The following ZNF556 variants were observed in gnomAD, a reference collection of about 807,000 sequenced individuals.
ZNF556 encodes the protein zinc finger protein 556.
ZNF556 carries 11 observed loss-of-function variants against 13.6 expected under a neutral mutation model. The observed-to-expected ratio is 0.81, with a 90% CI of 0.51 to 1.33. The LOEUF (loss-of-function observed/expected upper bound fraction) is 1.33. Ranked by LOEUF, ZNF556 falls within the 40% of genes most tolerant of loss-of-function variation. The probability of loss-of-function intolerance (pLI) is 0.00; values close to 1 mark genes in which losing one functional copy is unlikely to be tolerated. For synonymous variants in ZNF556, 229 were observed against 207.8 expected (o/e 1.10, Z -0.88); for missense variants, 633 against 566.2 (o/e 1.12, Z -1.20).
intron 1 of ZNF556, among the ~76,000 whole-genome samples, chr19:2,871,812 G>T (rs565800465): frequency 5.3e-5 from 8 of 152,172 alleles, no homozygotes; most frequent in Non-Finnish European, 8.8e-5. Flanking sequence ...CGCAGAGACC[G>T]GTAGTGGCCC....
rs370675336 is a variant in ZNF556, at chr19:2,877,720, C to T, written c.762C>T (p.Ala254=). ...TTCGCGCACATGTGATGATGCACGC[C>T]GGAGGGAGACCGTATGAGTGCAAGC... ...KSFRAHVMMH[A]GGRPYECKHC... The change falls in exon 4 of 4, where the codon GCC becomes GCT. Residue 254 remains alanine, a synonymous_variant. Coordinates refer to ENST00000307635, the MANE Select transcript of ZNF556 (RefSeq NM_024967.3). 4.5e-5 allele frequency: 72 copies of T among 1,613,268 alleles called. No homozygotes were observed. The highest frequency in any genetic ancestry group is 3.3e-4 in the African/African-American group (25 of 74,786).
In ZNF556 at chr19:2,881,536, C is replaced by G. The variant is rs2087904586; in HGVS notation, c.*3207C>G. The G allele has an allele frequency of 6.6e-6, 1 of 151,382 alleles. No individual in the cohort carries two copies. Among genetic ancestry groups the G allele is most frequent in the Non-Finnish European group, 1.5e-5 (1 of 67,922 alleles). 9.4% of individuals were successfully genotyped at this position (151,382 alleles called of 1,614,324 possible). The stretch of plus-strand genomic sequence containing the variant: ...AGGTTGCAGTGAGCCAAGATTGCGC[C>G]ACTGCACTCCAGCCTGGGCGACAAG... On this transcript the variant is annotated 3_prime_UTR_variant, in exon 4 of 4. Transcript: ENST00000307635.
chr19:2,878,748 C>G lies in ZNF556; in HGVS notation c.*419C>G, dbSNP rs1266428608. On this transcript the variant is annotated 3_prime_UTR_variant, in exon 4 of 4. Transcript: ENST00000307635. ...AATATGGTATTGCCTTTATCAGGAC[C>G]ACATCCTAAAAGTGGGCCTCTAGCA... 1.9e-5 allele frequency: 3 copies of G among 157,814 alleles called. No individual in the cohort carries two copies. Among genetic ancestry groups the G allele is most frequent in the Non-Finnish European group, 4.2e-5 (3 of 71,386 alleles). 9.8% of individuals were successfully genotyped at this position (157,814 alleles called of 1,614,324 possible). A position where few individuals can be genotyped will look rare whatever the true frequency, so the allele number is the denominator to read the frequency against.
chr19:2,872,032 G>C (rs1416656253), intron 1 of ZNF556, among the ~76,000 whole-genome samples: 2 of 152,116 alleles, frequency 1.3e-5, no homozygotes, highest in African/African-American at 4.8e-5. Flanking sequence ...GAGACTTTTA[G>C]TACTTTCACT....
intron 1 of ZNF556, among the ~76,000 whole-genome samples, chr19:2,872,405 C>G (rs552387238): frequency 8.0e-4 from 121 of 151,882 alleles, no homozygotes; most frequent in Non-Finnish European, 1.3e-3. Context: ...ACAGAAGGCT[C>G]GCACTCTTGT....
rs182825063 is a variant in ZNF556, at chr19:2,868,908, G to A, written c.3+1484G>A. Among the ~76,000 whole-genome samples, 606 of 149,016 alleles carry A rather than the reference G, an allele frequency of 4.1e-3. 1 individual carries two copies. The highest frequency in any genetic ancestry group is 0.014 in the Middle Eastern group (4 of 280). On this transcript the variant is annotated intron_variant, in intron 1 of 3. Transcript: ENST00000307635. ...TAATTTTTGTATTTTTAGTAGAGAC[G>A]GGGTTCCACCATGTTGGCCAGGCTG...
In ZNF556 at chr19:2,873,593, T is replaced by C; in HGVS notation, c.101T>C (p.Leu34Pro). Residue 34 changes from leucine to proline, a missense_variant, in exon 2 of 4, where the codon CTG (leucine) becomes CCG (proline). Coordinates refer to ENST00000307635, the MANE Select transcript of ZNF556 (RefSeq NM_024967.3). ...AQRKLYRDVMLETFKHLASVD... is the reference protein window; with the variant it reads ...AQRKLYRDVMPETFKHLASVD... ...AGAAAACTCTACAGAGATGTCATGCTGGAGACCTTCAAGCACCTGGCCTCA... is the reference window on the plus strand; with the variant it reads ...AGAAAACTCTACAGAGATGTCATGCCGGAGACCTTCAAGCACCTGGCCTCA... 2 of 1,614,110 alleles carry C rather than the reference T, an allele frequency of 1.2e-6. No homozygotes were observed. Among genetic ancestry groups the C allele is most frequent in the African/African-American group, 2.7e-5 (2 of 75,050 alleles).
intron 1 of ZNF556, 133 bp downstream of exon 1, chr19:2,867,557 G>A (rs45501992): frequency 0.048 from 61,508 of 1,291,562 alleles, 1,608 homozygotes; most frequent in Middle Eastern, 0.081. Context: ...TGTCACCCCC[G>A]GGTCCTGCGG....
rs565800465 is a variant in ZNF556 at position 2,871,812 on chromosome 19, G to A, written c.4-1684G>A. On this transcript the variant is annotated intron_variant, in intron 1 of 3. Coordinates refer to ENST00000307635, the MANE Select transcript of ZNF556 (RefSeq NM_024967.3). ...CCACAACCACCAAGTCGCAGAGACCGGTAGTGGCCCCGAATGCCAGGCTGC... is the reference window on the plus strand; with the variant it reads ...CCACAACCACCAAGTCGCAGAGACCAGTAGTGGCCCCGAATGCCAGGCTGC... Among the ~76,000 whole-genome samples the A allele has an allele frequency of 8.5e-5, 13 of 152,290 alleles. No individual in the cohort carries two copies. In the East Asian group the frequency reaches 1.3e-3, roughly 16 times the overall value.
intron 1 of ZNF556, among the ~76,000 whole-genome samples, 170 bp downstream of exon 1, chr19:2,867,594 C>G (rs2087766736): frequency 6.6e-6 from 1 of 151,740 alleles, no homozygotes; most frequent in African/African-American, 2.4e-5. Flanking sequence ...CCCCAGTCTT[C>G]ATTCCCTGGA....
At position 2,867,375 on chromosome 19, in the gene ZNF556, C is replaced by T. The variant is rs1490176589; in HGVS notation, c.-47C>T. On this transcript the variant is annotated 5_prime_UTR_variant, in exon 1 of 4. Transcript: ENST00000307635. ...TCCCCGTCGTGCTCACCTGCACCGG[C>T]TGCGAGGAGCAGGGAGCTCCTCAAA... The T allele has an allele frequency of 6.4e-7, 1 of 1,569,278 alleles. No individual in the cohort carries two copies. Among genetic ancestry groups the T allele is most frequent in the Non-Finnish European group, 8.6e-7 (1 of 1,157,518 alleles).
chr19:2,877,674 G>A lies in ZNF556; in HGVS notation c.716G>A (p.Gly239Asp), dbSNP rs143550852. 3.7e-6 allele frequency: 6 copies of A among 1,613,632 alleles called. No homozygotes were observed. The highest frequency in any genetic ancestry group is 2.2e-5 in the South Asian group (2 of 91,076). Residue 239 changes from glycine (G) to aspartate (D), a missense_variant, in exon 4 of 4, where the codon GGC (glycine) becomes GAC (aspartate). Transcript: ENST00000307635. ...KPYECGQCGKGFSCPKSFRAH... is the reference protein window; with the variant it reads ...KPYECGQCGKDFSCPKSFRAH... ...TACGAATGTGGGCAGTGTGGGAAAG[G>A]CTTCAGTTGTCCCAAATCCTTTCGC...
Position 2,877,891 on chromosome 19 carries a change from G to T in ZNF556, c.933G>T (p.Gly311=). The T allele has an allele frequency of 6.2e-7, 1 of 1,614,164 alleles. No homozygotes were observed. Among genetic ancestry groups the T allele is most frequent in the South Asian group, 1.1e-5 (1 of 91,088 alleles). ...SFQRHVRIHN[G]EKPYKCGKCG... ...AACGACACGTGAGAATTCACAACGG[G>T]GAGAAACCCTATAAGTGTGGAAAAT... The change falls in exon 4 of 4, where the codon GGG becomes GGT. Residue 311 remains glycine, a synonymous_variant. Coordinates refer to ENST00000307635, the MANE Select transcript of ZNF556 (RefSeq NM_024967.3).
chr19:2,868,029 C>T (rs1420236909), intron 1 of ZNF556, among the ~76,000 whole-genome samples: 1 of 152,038 alleles, frequency 6.6e-6, no homozygotes, highest in Non-Finnish European at 1.5e-5. Flanking sequence ...TAAAATATTT[C>T]CAAGGAGGTG....
In ZNF556 at chr19:2,871,866, G is replaced by A. The variant is rs557778395; in HGVS notation, c.4-1630G>A. On this transcript the variant is annotated intron_variant, in intron 1 of 3. Coordinates refer to ENST00000307635, the MANE Select transcript of ZNF556 (RefSeq NM_024967.3). ...GATATTTATTGGATACAAGACAAAC[G>A]GGCAGGATAAGGAGTGTGAGCCATC... Among the ~76,000 whole-genome samples the A allele has an allele frequency of 5.9e-5, 9 of 152,218 alleles. No homozygotes were observed. In the East Asian group the frequency reaches 1.4e-3, roughly 23 times the overall value.
At chr19:2,872,898 C>T (rs1442046065) in intron 1 of ZNF556, among the ~76,000 whole-genome samples, 3 of 151,622 alleles carry the variant, frequency 2.0e-5, no homozygotes, top group Non-Finnish European at 4.4e-5. Flanking sequence ...TTTGGGAGGC[C>T]AAGACAGCTG....
At chr19:2,875,822 G>A (rs2087846527) in intron 2 of ZNF556, among the ~76,000 whole-genome samples, 1 of 151,936 alleles carries the variant, frequency 6.6e-6, no homozygotes, top group Non-Finnish European at 1.5e-5. Context: ...AAATTAGCTG[G>A]GCATGGTGGC....
chr19:2,868,753 C>G (rs2087778046), intron 1 of ZNF556, among the ~76,000 whole-genome samples: 1 of 149,040 alleles, frequency 6.7e-6, no homozygotes, highest in South Asian at 2.1e-4. Context: ...GAGCCTCGCT[C>G]TGTCACCCAG....
At chr19:2,867,960 C>T (rs145597070) in intron 1 of ZNF556, among the ~76,000 whole-genome samples, 1 of 152,294 alleles carries the variant, frequency 6.6e-6, no homozygotes, top group African/African-American at 2.4e-5. Flanking sequence ...GATTTGGTTA[C>T]TTGAGCCTCA....
Sources: gnomAD v4.1 joint callset for allele counts (sites outside exome capture counted in the v4.1 genomes callset) on GRCh38, gnomAD v4.1.1 for gene constraint, MANE v1.5 for transcripts, NCBI Gene and HGNC (gene_info 2026-07-23, HGNC 2026-07-21) for gene names.